The following RASEF variants were observed in gnomAD, a reference collection of about 807,000 sequenced individuals.
RASEF encodes RAS and EF-hand domain containing, also known as ras and EF-hand domain-containing protein.
Under a neutral mutation model 90.1 loss-of-function variants are expected in RASEF, and 68 were observed. The observed-to-expected ratio is 0.75, with a 90% CI of 0.62 to 0.92. RASEF has a LOEUF of 0.92. Ranked by LOEUF, RASEF falls within the 40% of genes least tolerant of loss-of-function variation. The probability of loss-of-function intolerance (pLI) is 0.00; values close to 1 mark genes in which losing one functional copy is unlikely to be tolerated. For synonymous variants in RASEF, 331 were observed against 345.2 expected (o/e 0.96, Z 0.46); for missense variants, 949 against 937.2 (o/e 1.01, Z -0.16).
chr9:83,075,549 A>G, the RASEF span, among the ~76,000 whole-genome samples: 18 of 152,192 alleles, frequency 1.2e-4, no homozygotes, highest in Non-Finnish European at 2.1e-4. Flanking sequence ...TCCCAAGCTA[A>G]TATTCTAACT....
At chr9:83,193,444 G>C in the RASEF span, among the ~76,000 whole-genome samples, 1 of 152,156 alleles carries the variant, frequency 6.6e-6, no homozygotes, top group Admixed American at 6.5e-5. Flanking sequence ...ATTTTATGCA[G>C]AAAATTAGAA....
the RASEF span, among the ~76,000 whole-genome samples, chr9:83,153,110 A>C: frequency 1.8e-4 from 27 of 152,180 alleles, no homozygotes; most frequent in African/African-American, 6.5e-4. Flanking sequence ...ATGTTTGATA[A>C]ATTTCAACTC....
intron 16 of RASEF, among the ~76,000 whole-genome samples, chr9:82,988,000 C>T (rs997758716): frequency 6.6e-5 from 10 of 152,182 alleles, no homozygotes; most frequent in African/African-American, 1.7e-4. Context: ...TGCAGTGTTC[C>T]GCTGACCAAG....
the RASEF span, among the ~76,000 whole-genome samples, chr9:83,084,487 T>C: frequency 6.6e-6 from 1 of 152,250 alleles, no homozygotes; most frequent in Non-Finnish European, 1.5e-5. Context: ...AGTAGTTTTC[T>C]GACTCAAAAT....
At chr9:83,082,620 GAA>G in the RASEF span, among the ~76,000 whole-genome samples, 1 of 152,146 alleles carries the variant, frequency 6.6e-6, no homozygotes, top group Admixed American at 6.5e-5. Flanking sequence ...AAGGCAGAAA[GAA>G]AGAGAGAGAA....
intron 1 of RASEF, among the ~76,000 whole-genome samples, chr9:83,038,845 A>T (rs115808390): frequency 6.6e-6 from 1 of 152,162 alleles, no homozygotes; most frequent in South Asian, 2.1e-4. Context: ...TAGGGAATCA[A>T]TTCTATGGCC....
At chr9:83,107,449 A>G in the RASEF span, among the ~76,000 whole-genome samples, 2 of 152,178 alleles carry the variant, frequency 1.3e-5, no homozygotes, top group African/African-American at 2.4e-5. Flanking sequence ...TCACATTTCT[A>G]TGCAGTCATC....
At chr9:83,144,400 G>GA in the RASEF span, among the ~76,000 whole-genome samples, 20 of 104,342 alleles carry the variant, frequency 1.9e-4, 2 homozygotes, top group African/African-American at 7.8e-4. Flanking sequence ...AGGAAAGAAA[G>GA]AAAGAAAGAA....
At chr9:82,983,468 T>C (rs1587471420) in intron 16 of RASEF, among the ~76,000 whole-genome samples, 1 of 152,278 alleles carries the variant, frequency 6.6e-6, no homozygotes, top group East Asian at 1.9e-4. Context: ...CTTCCAGGTG[T>C]AGCCACTGGG....
chr9:83,124,698 G>A, the RASEF span, among the ~76,000 whole-genome samples: 14 of 152,238 alleles, frequency 9.2e-5, no homozygotes, highest in East Asian at 3.9e-4. Flanking sequence ...CAGTTGTTAC[G>A]CAAAACTGGA....
the RASEF span, among the ~76,000 whole-genome samples, chr9:83,106,700 C>G: frequency 1.3e-5 from 2 of 152,204 alleles, no homozygotes; most frequent in Non-Finnish European, 2.9e-5. Context: ...ACCGGGACAT[C>G]TGACATTTAG....
At chr9:83,078,620 C>T in the RASEF span, among the ~76,000 whole-genome samples, 40 of 151,766 alleles carry the variant, frequency 2.6e-4, no homozygotes, top group Non-Finnish European at 4.1e-4. Flanking sequence ...GCCAAGATTG[C>T]ACCACTGCAC....
At position 83,004,505 on chromosome 9, in the gene RASEF, A is replaced by G. The variant is rs747449006; in HGVS notation, c.1195T>C (p.Tyr399His). The change falls in exon 9 of 17, where the codon TAT (tyrosine) becomes CAT (histidine). Residue 399 changes from tyrosine to histidine, a missense_variant. Tyr to His is a moderately conservative substitution (Grantham distance 83). Around this residue, in one of 3 missense-constraint regions of RASEF, gnomAD observed 656 missense variants for 592.2 expected, o/e 1.11. Coordinates refer to ENST00000376447, the MANE Select transcript of RASEF (RefSeq NM_152573.4). ...TAAGACGAGTTAACATACCTGTCAT[A>G]GCCTAGAGGTTGAGGGGAATGACCA... ...FIGHSPQPLG[Y>H]DRSSRSSYVD... The G allele has an allele frequency of 1.9e-6, 3 of 1,588,364 alleles. No homozygotes were observed. The highest frequency in any genetic ancestry group is 1.7e-6 in the Non-Finnish European group (2 of 1,156,726).
chr9:83,082,729 A>G, the RASEF span, among the ~76,000 whole-genome samples: 45 of 152,326 alleles, frequency 3.0e-4, no homozygotes, highest in South Asian at 8.3e-4. Context: ...TGGAGTAAAT[A>G]TATTATGTCT....
At chr9:83,202,669 T>A in the RASEF span, among the ~76,000 whole-genome samples, 1 of 152,162 alleles carries the variant, frequency 6.6e-6, no homozygotes, top group Non-Finnish European at 1.5e-5. Flanking sequence ...TTTGTTTGTT[T>A]TAATTTTTAG....
the RASEF span, among the ~76,000 whole-genome samples, chr9:83,173,140 A>G: frequency 6.6e-6 from 1 of 151,588 alleles, no homozygotes; most frequent in Non-Finnish European, 1.5e-5. Flanking sequence ...TTTATATGTT[A>G]TTTGCTTCTT....
At chr9:83,126,892 C>A in the RASEF span, among the ~76,000 whole-genome samples, 1 of 152,134 alleles carries the variant, frequency 6.6e-6, no homozygotes, top group Admixed American at 6.5e-5. Flanking sequence ...CAGAAAGACA[C>A]AGAAACAGAC....
chr9:83,167,991 G>A, the RASEF span, among the ~76,000 whole-genome samples: 8 of 152,064 alleles, frequency 5.3e-5, no homozygotes, highest in African/African-American at 1.9e-4. Context: ...GTTTTTGTGT[G>A]GCATATGTTT....
the RASEF span, among the ~76,000 whole-genome samples, chr9:83,101,456 C>T: frequency 6.6e-6 from 1 of 152,204 alleles, no homozygotes; most frequent in Admixed American, 6.5e-5. Flanking sequence ...TCGTACTGGG[C>T]ACCCTGATCC....
Sources: allele counts gnomAD v4.1 joint callset (sites outside exome capture counted in the v4.1 genomes callset), GRCh38; gene constraint gnomAD v4.1.1; regional missense constraint gnomAD v4.1.1; transcripts MANE v1.5; gene names NCBI Gene and HGNC (gene_info 2026-07-23, HGNC 2026-07-21).